LGR4: variants seen among roughly 807,000 people sequenced by gnomAD.
The protein encoded by LGR4 is leucine-rich repeat-containing G protein-coupled receptor 4.
A neutral mutation model predicts 84.8 loss-of-function variants in LGR4; 44 were observed. That is an observed-to-expected ratio of 0.52 (90% CI 0.41 to 0.67). The LOEUF (loss-of-function observed/expected upper bound fraction) is 0.67. LGR4 is among the 30% of genes least tolerant of loss of function. The pLI, the probability that LGR4 is intolerant of heterozygous loss-of-function variation, is 0.00. For synonymous variants in LGR4, 429 were observed against 434.3 expected, an observed-to-expected ratio of 0.99 and a Z score of 0.15; for missense variants, 1,032 against 1,131.4, an observed-to-expected ratio of 0.91 and a Z score of 1.26.
intron 1 of LGR4, among the ~76,000 whole-genome samples, chr11:27,467,566 CAA>C (rs761925670): frequency 3.9e-5 from 2 of 51,826 alleles, no homozygotes; most frequent in Admixed American, 1.8e-4. Context: ...GAGTCCGTCT[CAA>C]AAAAAAAAAA....
intron 1 of LGR4, among the ~76,000 whole-genome samples, chr11:27,467,829 T>C (rs1383532850): frequency 6.6e-6 from 1 of 152,206 alleles, no homozygotes; most frequent in African/African-American, 2.4e-5. Flanking sequence ...AAAGGACCTA[T>C]ACTTAAAGAT....
intron 2 of LGR4, among the ~76,000 whole-genome samples, chr11:27,393,710 T>A (rs1863327923): frequency 6.6e-6 from 1 of 151,956 alleles, no homozygotes; most frequent in Non-Finnish European, 1.5e-5. Context: ...ACACACAACA[T>A]CTTTAGGTTC....
chr11:27,450,572 T>C (rs1227580496), intron 1 of LGR4, among the ~76,000 whole-genome samples: 6 of 152,100 alleles, frequency 3.9e-5, no homozygotes, highest in African/African-American at 1.4e-4. Context: ...GTGGATCACC[T>C]GAGGTCGGGA....
rs564550023 is a variant in LGR4, at chr11:27,373,368, T to C, written c.1379+183A>G. The C allele has an allele frequency of 2.3e-4, 120 of 515,142 alleles. 1 individual carries two copies. In the Admixed American group the frequency reaches 2.7e-3, roughly 12 times the overall value. 31.9% of individuals were successfully genotyped at this position (515,142 alleles called of 1,614,324 possible). The stretch of plus-strand genomic sequence containing the variant: ...CCATCAAGGGCTCCAGTTCACATTC[T>C]TAAAGACTGTGGAATAATGTTCATA... On this transcript the variant is annotated intron_variant, in intron 15 of 17. Transcript: ENST00000379214.
intron 13 of LGR4, 76 bp from the exon 14 acceptor site, chr11:27,374,122 AT>A: frequency 2.2e-6 from 2 of 923,284 alleles, no homozygotes; most frequent in Non-Finnish European, 1.8e-6. Flanking sequence ...ATACTTTAGA[AT>A]TAGAGGTAGT....
At chr11:27,419,720 G>C (rs1226089040) in intron 1 of LGR4, among the ~76,000 whole-genome samples, 1 of 150,704 alleles carries the variant, frequency 6.6e-6, no homozygotes, top group African/African-American at 2.4e-5. Flanking sequence ...AGAAATTTTG[G>C]TATGTCTATA....
chr11:27,418,705 T>C (rs530198299), intron 1 of LGR4, among the ~76,000 whole-genome samples: 2 of 152,274 alleles, frequency 1.3e-5, no homozygotes, highest in Non-Finnish European at 2.9e-5. Context: ...GTATAATCTT[T>C]CTTAACAACT....
chr11:27,440,545 A>G (rs1302791145), intron 1 of LGR4, among the ~76,000 whole-genome samples: 4 of 152,208 alleles, frequency 2.6e-5, no homozygotes, highest in Non-Finnish European at 5.9e-5. Context: ...GGTTCTCATG[A>G]GTTAATTCTT....
intron 1 of LGR4, among the ~76,000 whole-genome samples, chr11:27,468,768 T>A (rs1453528794): frequency 6.6e-6 from 1 of 151,852 alleles, no homozygotes; most frequent in Non-Finnish European, 1.5e-5. Flanking sequence ...AGTAAAGCTA[T>A]GATCAAGGAC....
At chr11:27,436,519 T>A (rs1011870434) in intron 1 of LGR4, among the ~76,000 whole-genome samples, 1 of 152,124 alleles carries the variant, frequency 6.6e-6, no homozygotes, top group Non-Finnish European at 1.5e-5. Flanking sequence ...ATTATAAGGA[T>A]GGATGTTTCA....
At chr11:27,397,094 G>A (rs968896656) in intron 2 of LGR4, among the ~76,000 whole-genome samples, 10 of 152,008 alleles carry the variant, frequency 6.6e-5, no homozygotes, top group African/African-American at 2.4e-4. Context: ...TTTCCCAAAG[G>A]CTCTCTTTTC....
chr11:27,443,143 C>CT (rs1864330984), intron 1 of LGR4, among the ~76,000 whole-genome samples: 1 of 152,138 alleles, frequency 6.6e-6, no homozygotes, highest in South Asian at 2.1e-4. Context: ...AAATGGAAGG[C>CT]CTAGAGTCTT....
chr11:27,396,379 A>G (rs1863392131), intron 2 of LGR4, among the ~76,000 whole-genome samples: 1 of 152,154 alleles, frequency 6.6e-6, no homozygotes, highest in South Asian at 2.1e-4. Context: ...AGAAGTTCCT[A>G]ACAGACCTAC....
Position 27,373,640 on chromosome 11 carries a change from C to T in LGR4, c.1290G>A (p.Thr430=), listed in dbSNP as rs1252442433. Residue 430 remains threonine (T), a synonymous_variant, in exon 15 of 18, where the codon ACG becomes ACA. Transcript: ENST00000379214. Reference sequence around the variant, plus strand: ...GTTGATTTAGCCCATTCAGGCCTTCCGTAGGAAAGGAAGTTAATTCATTGA... The same window carrying T: ...GTTGATTTAGCCCATTCAGGCCTTCTGTAGGAAAGGAAGTTAATTCATTGA... ...VSFNELTSFP[T]EGLNGLNQLK... is the part of the protein sequence containing the mutation. The T allele has an allele frequency of 6.3e-7, 1 of 1,591,850 alleles. No individual in the cohort carries two copies. Among genetic ancestry groups the T allele is most frequent in the Non-Finnish European group, 8.6e-7 (1 of 1,167,016 alleles).
chr11:27,410,145 T>A (rs1008081168), intron 2 of LGR4, among the ~76,000 whole-genome samples: 1 of 152,172 alleles, frequency 6.6e-6, no homozygotes, highest in African/African-American at 2.4e-5. Context: ...TAGCCACCTG[T>A]GGCTAGTGGC....
At chr11:27,442,408 C>G (rs185599807) in intron 1 of LGR4, among the ~76,000 whole-genome samples, 1 of 152,184 alleles carries the variant, frequency 6.6e-6, no homozygotes, top group East Asian at 1.9e-4. Context: ...AGCTACACAA[C>G]TACGTTACCT....
chr11:27,384,385 T>C lies in LGR4; in HGVS notation c.640A>G (p.Arg214Gly), dbSNP rs1259805873. Residue 214 changes from arginine to glycine, a missense_variant, in exon 6 of 18, where the codon AGA (arginine) becomes GGA (glycine). Physicochemically the swap from Arg to Gly is moderately radical, Grantham distance 125. Coordinates refer to ENST00000379214, the MANE Select transcript of LGR4 (RefSeq NM_018490.5). ...TCAAAACAGTGTTGACTCAGGCTTC[T>C]AATTTTATTGTTATGAAGATGCCTA... is the stretch of plus-strand genomic sequence containing the variant. ...VVLHLHNNKI[R>G]SLSQHCFDGL... 6.2e-7 allele frequency: 1 copy of C among 1,610,604 alleles called. No homozygotes were observed.
At chr11:27,392,327 C>T (rs1863300710) in intron 3 of LGR4, 120 bp downstream of exon 3, 2 of 737,690 alleles carry the variant, frequency 2.7e-6, no homozygotes, top group South Asian at 2.6e-5. Flanking sequence ...TCACTGGCCA[C>T]TCCTTAAATC....
intron 12 of LGR4, 58 bp from the exon 13 acceptor site, chr11:27,376,428 G>A: frequency 2.3e-6 from 2 of 886,728 alleles, no homozygotes; most frequent in Non-Finnish European, 3.5e-6. Context: ...GAGAACAGGA[G>A]GAGGAGGAAA....
Sources: allele counts gnomAD v4.1 joint callset (sites outside exome capture counted in the v4.1 genomes callset), GRCh38; gene constraint gnomAD v4.1.1; transcripts MANE v1.5; gene names NCBI Gene and HGNC (gene_info 2026-07-23, HGNC 2026-07-21).